The following WDR72 variants were observed in gnomAD, a reference collection of about 807,000 sequenced individuals.
WDR72 encodes WD repeat-containing protein 72.
WDR72 carries 120 observed loss-of-function variants against 124.2 expected under a neutral mutation model. The ratio of observed to expected loss-of-function variants is 0.97; its 90% CI spans 0.83 to 1.12. WDR72 has a LOEUF of 1.12. WDR72 is among the 50% of genes most tolerant of loss of function. WDR72 has a pLI of 0.00. For missense variants in WDR72, 1,387 were observed against 1,278.8 expected (o/e 1.08, Z -1.29); for synonymous variants, 452 against 441.7 (o/e 1.02, Z -0.29).
chr15:53,718,242 T>C (rs1158194803), intron 3 of WDR72, among the ~76,000 whole-genome samples: 1 of 152,160 alleles, frequency 6.6e-6, no homozygotes, highest in East Asian at 1.9e-4. Flanking sequence ...GTCGACTTGT[T>C]TCTAGCCCAT....
intron 14 of WDR72, among the ~76,000 whole-genome samples, chr15:53,644,617 A>C (rs761216968): frequency 1.3e-4 from 19 of 148,150 alleles, no homozygotes; most frequent in Admixed American, 4.0e-4. Flanking sequence ...TAATAGGAAC[A>C]AAAAGAATCC....
chr15:53,679,108 T>A (rs951316719), intron 13 of WDR72, among the ~76,000 whole-genome samples: 8 of 152,192 alleles, frequency 5.3e-5, no homozygotes, highest in Non-Finnish European at 1.2e-4. Flanking sequence ...CCAGAACAGG[T>A]AAATTCACAG....
At chr15:53,577,105 G>A (rs1216716361) in intron 18 of WDR72, among the ~76,000 whole-genome samples, 2 of 152,126 alleles carry the variant, frequency 1.3e-5, no homozygotes, top group Non-Finnish European at 2.9e-5. Context: ...GACACAGCCA[G>A]GCTGTTCATG....
chr15:53,715,091 A>C, intron 5 of WDR72, 102 bp downstream of exon 5: 1 of 1,297,400 alleles, frequency 7.7e-7, no homozygotes, highest in Non-Finnish European at 1.1e-6. Flanking sequence ...AAGCATAAAG[A>C]AGCATTCTTT....
In WDR72 at chr15:53,544,959, T is replaced by C. The variant is rs201862277; in HGVS notation, c.3149-21637A>G. ...ACCTAGGAATCCAACTTACAAGGGA[T>C]GTGAAGGACCTCTTCAAGGAGAACT... On this transcript the variant is annotated intron_variant, in intron 18 of 19. Coordinates refer to ENST00000360509, the MANE Select transcript of WDR72 (RefSeq NM_182758.4). Among the ~76,000 whole-genome samples, 76 of 144,780 alleles carry C rather than the reference T, an allele frequency of 5.2e-4. No individual in the cohort carries two copies. The East Asian group carries it at 0.015, about 29-fold the overall frequency. The allele number at this position is 144,780 out of a possible 152,430, so 95.0% of individuals were successfully genotyped here.
intron 1 of WDR72, among the ~76,000 whole-genome samples, chr15:53,756,149 T>G (rs1337736013): frequency 6.6e-6 from 1 of 152,126 alleles, no homozygotes; most frequent in Non-Finnish European, 1.5e-5. Flanking sequence ...CCACATGTGG[T>G]GGGAGGGACC....
In WDR72 at chr15:53,712,766, T is replaced by A. The variant is rs1390566822; in HGVS notation, c.711+6A>T. On this transcript the variant is annotated splice_donor_region_variant and intron_variant, in intron 7 of 19. Coordinates refer to ENST00000360509, the MANE Select transcript of WDR72 (RefSeq NM_182758.4). ...CACTGGTATTTATTATGTTACTTTATAATACCTTCCAACATTTAGAAAATA... is the reference window on the plus strand; with the variant it reads ...CACTGGTATTTATTATGTTACTTTAAAATACCTTCCAACATTTAGAAAATA... The A allele has an allele frequency of 1.2e-6, 2 of 1,611,248 alleles. No individual in the cohort carries two copies. Among genetic ancestry groups the A allele is most frequent in the East Asian group, 4.5e-5 (2 of 44,830 alleles).
chr15:53,608,479 G>T (rs1318061337), intron 17 of WDR72, among the ~76,000 whole-genome samples: 1 of 148,496 alleles, frequency 6.7e-6, no homozygotes, highest in Non-Finnish European at 1.5e-5. Context: ...AACAGGTCAG[G>T]TGAGATGGCA....
At chr15:53,559,676 G>A (rs1177379411) in intron 18 of WDR72, among the ~76,000 whole-genome samples, 1 of 152,002 alleles carries the variant, frequency 6.6e-6, no homozygotes, top group African/African-American at 2.4e-5. Flanking sequence ...GACAGCCACA[G>A]TAGGCGGCCA....
At chr15:53,664,582 T>G (rs2015714927) in intron 14 of WDR72, among the ~76,000 whole-genome samples, 1 of 152,144 alleles carries the variant, frequency 6.6e-6, no homozygotes, top group African/African-American at 2.4e-5. Flanking sequence ...ATTAATAGTA[T>G]ATTACTAGCC....
intron 18 of WDR72, among the ~76,000 whole-genome samples, chr15:53,574,666 A>G (rs1254150443): frequency 6.6e-6 from 1 of 152,086 alleles, no homozygotes; most frequent in East Asian, 1.9e-4. Flanking sequence ...ATGTTTCTTG[A>G]AATAATTTTT....
chr15:53,733,382 C>T (rs530004748), intron 1 of WDR72, among the ~76,000 whole-genome samples: 2 of 152,256 alleles, frequency 1.3e-5, no homozygotes, highest in South Asian at 2.1e-4. Context: ...GACTTATCTT[C>T]GAATTCCTTA....
chr15:53,639,519 T>G (rs936739187), intron 14 of WDR72, among the ~76,000 whole-genome samples: 31 of 145,856 alleles, frequency 2.1e-4, no homozygotes, highest in African/African-American at 7.8e-4. Flanking sequence ...TATATAATTT[T>G]ATTTATTTAT....
At chr15:53,665,528 G>C in intron 14 of WDR72, 44 bp downstream of exon 14, 1 of 1,606,040 alleles carries the variant, frequency 6.2e-7, no homozygotes, top group South Asian at 1.1e-5. Context: ...CTTCTTATTC[G>C]GTTGATAATG....
Position 53,704,987 on chromosome 15 carries a change from C to T in WDR72, c.1348+1G>A, listed in dbSNP as rs1431736022. 3.1e-6 allele frequency: 5 copies of T among 1,613,574 alleles called. No individual in the cohort carries two copies. In the East Asian group the frequency reaches 6.7e-5, roughly 22 times the overall value. ...AATAGGGTCAAATAAAATTCAAGGA[C>T]CTTTTACTAAAGAACCACCTTCCAG... On this transcript the variant is annotated splice_donor_variant, in intron 11 of 19. Transcript: ENST00000360509. LOFTEE classifies it high-confidence loss of function.
At chr15:53,591,301 T>G (rs2012480487) in intron 18 of WDR72, among the ~76,000 whole-genome samples, 1 of 152,056 alleles carries the variant, frequency 6.6e-6, no homozygotes, top group Admixed American at 6.6e-5. Context: ...GCGATATCCT[T>G]AGCTCTTGAG....
chr15:53,703,259 TA>T (rs1415857384), intron 11 of WDR72, among the ~76,000 whole-genome samples: 1 of 152,078 alleles, frequency 6.6e-6, no homozygotes, highest in Non-Finnish European at 1.5e-5. Flanking sequence ...TACAAGAAAA[TA>T]AAAGTTTCAG....
intron 18 of WDR72, among the ~76,000 whole-genome samples, chr15:53,565,357 A>G (rs945828174): frequency 5.9e-5 from 9 of 152,040 alleles, no homozygotes; most frequent in African/African-American, 1.9e-4. Flanking sequence ...TAAAAAGAAT[A>G]AACAATGAAA....
At chr15:53,650,109 T>A (rs2140425615) in intron 14 of WDR72, among the ~76,000 whole-genome samples, 1 of 74,186 alleles carries the variant, frequency 1.3e-5, no homozygotes, top group South Asian at 4.9e-4. Context: ...CATTTAGCCT[T>A]TCAAGAAAGG....
Sources: gnomAD v4.1 joint callset for allele counts (sites outside exome capture counted in the v4.1 genomes callset) on GRCh38, gnomAD v4.1.1 for gene constraint, MANE v1.5 for transcripts, NCBI Gene and HGNC (gene_info 2026-07-23, HGNC 2026-07-21) for gene names.